The following KCNMA1 variants were observed in gnomAD, a reference collection of about 807,000 sequenced individuals.
KCNMA1 encodes the protein potassium calcium-activated channel subfamily M alpha 1.
Under a neutral mutation model 140.0 loss-of-function variants are expected in KCNMA1, and 29 were observed. The observed-to-expected ratio is 0.21, with a 90% CI of 0.15 to 0.28. The LOEUF is 0.28. Among genes scored for constraint, KCNMA1 ranks in the 10% least tolerant of loss-of-function variants. The probability of loss-of-function intolerance (pLI) is 1.00; values close to 1 mark genes in which losing one functional copy is unlikely to be tolerated. For synonymous variants in KCNMA1, 612 were observed against 611.9 expected, an observed-to-expected ratio of 1.00 and a Z score of 0.00; for missense variants, 880 against 1,602.2, an observed-to-expected ratio of 0.55 and a Z score of 7.70.
intron 23 of KCNMA1, among the ~76,000 whole-genome samples, chr10:76,920,020 G>GTATATATA (rs1169838049): frequency 0.023 from 776 of 34,358 alleles, 49 homozygotes; most frequent in East Asian, 0.074. Context: ...GTGTGTGTGT[G>GTATATATA]TATATATATA....
At chr10:77,129,953 C>T (rs1193631435) in intron 5 of KCNMA1, among the ~76,000 whole-genome samples, 5 of 152,102 alleles carry the variant, frequency 3.3e-5, no homozygotes, top group Admixed American at 1.3e-4. Context: ...ATAGTAACAG[C>T]TTCCCTTACA....
chr10:77,086,436 C>A (rs2096692472), intron 11 of KCNMA1, 52 bp downstream of exon 11: 2 of 1,383,580 alleles, frequency 1.4e-6, no homozygotes, highest in South Asian at 1.2e-5. Context: ...AGGACTCCCC[C>A]CAGACCCACA....
chr10:77,057,189 G>A (rs1054537266), intron 14 of KCNMA1, among the ~76,000 whole-genome samples: 2 of 152,084 alleles, frequency 1.3e-5, no homozygotes, highest in African/African-American at 2.4e-5. Flanking sequence ...GGAGAAAAAT[G>A]ACTCATTACT....
At chr10:76,933,756 T>C (rs1481605270) in intron 23 of KCNMA1, among the ~76,000 whole-genome samples, 1 of 152,076 alleles carries the variant, frequency 6.6e-6, no homozygotes, top group East Asian at 1.9e-4. Context: ...CTCCTGGAGA[T>C]CTGTAACAAG....
At chr10:76,918,931 CACACACACACACACACAT>C (rs987917476) in intron 23 of KCNMA1, among the ~76,000 whole-genome samples, 70 of 149,968 alleles carry the variant, frequency 4.7e-4, no homozygotes, top group Non-Finnish European at 8.7e-4. Flanking sequence ...CACACACACA[CACACACACACACACACAT>C]ATATATGTGA....
chr10:77,231,919 C>T (rs2053740797), intron 3 of KCNMA1, among the ~76,000 whole-genome samples: 2 of 152,186 alleles, frequency 1.3e-5, no homozygotes, highest in African/African-American at 4.8e-5. Context: ...AAAAGAAGCC[C>T]TGTAGCCTTC....
At chr10:76,989,468 C>G (rs1336247475) in intron 19 of KCNMA1, among the ~76,000 whole-genome samples, 2 of 152,090 alleles carry the variant, frequency 1.3e-5, no homozygotes, top group African/African-American at 4.8e-5. Flanking sequence ...TAGCCTTTCT[C>G]AATCAGAAGA....
chr10:77,342,500 G>A (rs984912894), intron 2 of KCNMA1, among the ~76,000 whole-genome samples: 2 of 152,180 alleles, frequency 1.3e-5, no homozygotes, highest in Non-Finnish European at 2.9e-5. Context: ...TTATGGGACA[G>A]CTGACCACCC....
intron 16 of KCNMA1, among the ~76,000 whole-genome samples, chr10:77,026,226 A>G (rs762440324): frequency 1.3e-5 from 2 of 152,186 alleles, no homozygotes; most frequent in Non-Finnish European, 2.9e-5. Flanking sequence ...GTGAAAGACA[A>G]CTGCTCAAGG....
chr10:77,422,327 T>A (rs910368172), intron 1 of KCNMA1, among the ~76,000 whole-genome samples: 1 of 152,174 alleles, frequency 6.6e-6, no homozygotes, highest in African/African-American at 2.4e-5. Flanking sequence ...AGCATAAGAA[T>A]TTACATGCCT....
At chr10:77,325,539 C>T (rs533830283) in intron 2 of KCNMA1, among the ~76,000 whole-genome samples, 1 of 152,294 alleles carries the variant, frequency 6.6e-6, no homozygotes, top group Non-Finnish European at 1.5e-5. Flanking sequence ...AAGCCAAGAA[C>T]AGGTAGGCAA....
At position 76,960,646 on chromosome 10, in the gene KCNMA1, T is replaced by TAC. The variant is rs1554994025; in HGVS notation, c.2361-6724_2361-6723dup. 1.0e-3 allele frequency among the ~76,000 whole-genome samples: 143 copies of TAC among 140,076 alleles called. 1 individual carries two copies. Among genetic ancestry groups the TAC allele is most frequent in the Middle Eastern group, 3.8e-3 (1 of 266 alleles). 91.9% of individuals were successfully genotyped at this position (140,076 alleles called of 152,430 possible). On this transcript the variant is annotated intron_variant, in intron 20 of 27. Coordinates refer to ENST00000286628, the MANE Select transcript of KCNMA1 (RefSeq NM_001161352.2). ...TTTTTTTTTTTTTTTTTTTTTTTTT[T>TAC]ACAAATTGAAGGTTTATTTTTCCAT...
intron 1 of KCNMA1, among the ~76,000 whole-genome samples, chr10:77,522,632 G>A (rs1340751843): frequency 6.6e-6 from 1 of 152,182 alleles, no homozygotes; most frequent in Non-Finnish European, 1.5e-5. Context: ...ATACAGGGAA[G>A]CAGAGTTGTG....
chr10:77,610,389 ACCCTCACTGTGCATATCCATAGCTG>A (rs544895071), intron 1 of KCNMA1, among the ~76,000 whole-genome samples: 309 of 152,224 alleles, frequency 2.0e-3, no homozygotes, highest in Non-Finnish European at 3.5e-3. Context: ...ATCCAGAATG[ACCCTCACTGTGCATATCCATAGCTG>A]CCCTCACTGA....
chr10:77,439,057 C>G (rs553530699), intron 1 of KCNMA1, among the ~76,000 whole-genome samples: 1 of 142,220 alleles, frequency 7.0e-6, no homozygotes, highest in African/African-American at 2.6e-5. Context: ...GGCGACAGAG[C>G]GAGACTCTCT....
At chr10:77,143,248 C>T (rs1430145523) in intron 5 of KCNMA1, among the ~76,000 whole-genome samples, 1 of 151,990 alleles carries the variant, frequency 6.6e-6, no homozygotes, top group Non-Finnish European at 1.5e-5. Flanking sequence ...GAGTTTATCC[C>T]ATGAGTAAAA....
chr10:77,114,735 G>T (rs1472193729), intron 6 of KCNMA1, among the ~76,000 whole-genome samples: 1 of 152,146 alleles, frequency 6.6e-6, no homozygotes, highest in African/African-American at 2.4e-5. Flanking sequence ...ATTGGTAATT[G>T]ATCCTACTGA....
At chr10:77,539,327 T>A (rs181271514) in intron 1 of KCNMA1, among the ~76,000 whole-genome samples, 2 of 152,242 alleles carry the variant, frequency 1.3e-5, no homozygotes, top group African/African-American at 2.4e-5. Flanking sequence ...GGAGATGGGA[T>A]CAAAACCTAT....
intron 24 of KCNMA1, chr10:76,913,865 A>C (rs961164442): frequency 5.3e-6 from 3 of 565,278 alleles, no homozygotes; most frequent in Non-Finnish European, 9.4e-6. Flanking sequence ...TGTGTGGGGA[A>C]AAAATCATTA....
Sources: gnomAD v4.1 joint callset for allele counts (sites outside exome capture counted in the v4.1 genomes callset) on GRCh38, gnomAD v4.1.1 for gene constraint, MANE v1.5 for transcripts, NCBI Gene and HGNC (gene_info 2026-07-23, HGNC 2026-07-21) for gene names.